SCTR: variants seen among roughly 807,000 people sequenced by gnomAD.
SCTR encodes the protein secretin receptor.
A neutral mutation model predicts 60.8 loss-of-function variants in SCTR; 56 were observed. The observed-to-expected ratio is 0.92, with a 90% CI of 0.74 to 1.15. SCTR has a LOEUF of 1.15. Ranked by LOEUF, SCTR falls within the 50% of genes most tolerant of loss-of-function variation. SCTR has a pLI of 0.00. For synonymous variants in SCTR, 202 were observed against 217.0 expected (o/e 0.93, Z 0.61); for missense variants, 562 against 550.4 (o/e 1.02, Z -0.21).
intron 9 of SCTR, among the ~76,000 whole-genome samples, chr2:119,450,778 T>C (rs1163955621): frequency 6.6e-6 from 1 of 152,136 alleles, no homozygotes; most frequent in Non-Finnish European, 1.5e-5. Flanking sequence ...AAGACCAGCC[T>C]GGGCAACACA....
At chr2:119,483,845 G>A (rs912020067) in intron 2 of SCTR, among the ~76,000 whole-genome samples, 2 of 151,994 alleles carry the variant, frequency 1.3e-5, no homozygotes, top group Admixed American at 1.3e-4. Flanking sequence ...GGGGGAGCTG[G>A]ACAGTCCCTG....
intron 4 of SCTR, among the ~76,000 whole-genome samples, chr2:119,473,224 C>T (rs1270147472): frequency 6.6e-6 from 1 of 152,166 alleles, no homozygotes; most frequent in Non-Finnish European, 1.5e-5. Context: ...CCTACCTGTG[C>T]CTGGGTTCCT....
At chr2:119,460,687 A>C (rs1683568322) in intron 7 of SCTR, among the ~76,000 whole-genome samples, 1 of 152,192 alleles carries the variant, frequency 6.6e-6, no homozygotes, top group African/African-American at 2.4e-5. Context: ...AGTGCCCCTA[A>C]AATGGAAGTT....
At chr2:119,478,276 C>T (rs1199937973) in intron 3 of SCTR, among the ~76,000 whole-genome samples, 1 of 152,150 alleles carries the variant, frequency 6.6e-6, no homozygotes, top group African/African-American at 2.4e-5. Flanking sequence ...AGTGCATGGT[C>T]GACTTCTAAT....
rs576482142 is a variant in SCTR at position 119,442,354 on chromosome 2, G to A, written c.1141-755C>T. 7.2e-5 allele frequency among the ~76,000 whole-genome samples: 11 copies of A among 152,306 alleles called. No individual in the cohort carries two copies. The South Asian group carries it at 1.2e-3, about 17-fold the overall frequency. On this transcript the variant is annotated intron_variant, in intron 11 of 12. Coordinates refer to ENST00000019103, the MANE Select transcript of SCTR (RefSeq NM_002980.3). The stretch of plus-strand genomic sequence containing the variant: ...CAGCAGGAAGCAGTGTCTCTGCGGC[G>A]CATTCACCCTGCTCCTCTCCTTTCT...
chr2:119,461,602 T>C lies in SCTR; in HGVS notation c.790+245A>G, dbSNP rs545086726. Among the ~76,000 whole-genome samples the C allele has an allele frequency of 3.3e-5, 5 of 151,662 alleles. No individual in the cohort carries two copies. In the South Asian group the frequency reaches 6.3e-4, roughly 19 times the overall value. On this transcript the variant is annotated intron_variant, in intron 7 of 12. Coordinates refer to ENST00000019103, the MANE Select transcript of SCTR (RefSeq NM_002980.3). ...GGCACATGCCTGTAATCCCAGCTAC[T>C]TGGGAAGCTGAGGTAGGAGAATCAC...
In SCTR at chr2:119,524,321, C is replaced by T. The variant is rs1679384892; in HGVS notation, c.-95G>A. 2 of 813,924 alleles carry T rather than the reference C, an allele frequency of 2.5e-6. No individual in the cohort carries two copies. The highest frequency in any genetic ancestry group is 3.4e-6 in the Non-Finnish European group (2 of 585,362). The allele number at this position is 813,924 out of a possible 1,614,324, so 50.4% of individuals were successfully genotyped here. On this transcript the variant is annotated 5_prime_UTR_variant, in exon 1 of 13. Transcript: ENST00000019103. ...AGCGCCCCGCGCAGGGTCCCGGGCT[C>T]CGGCCGGCCGCTGCGCCCCGAGGAG...
chr2:119,504,968 A>G (rs546276771), intron 1 of SCTR, among the ~76,000 whole-genome samples: 6 of 152,196 alleles, frequency 3.9e-5, no homozygotes, highest in Non-Finnish European at 7.3e-5. Flanking sequence ...TGCAAATCAA[A>G]ACCACAATGA....
intron 1 of SCTR, among the ~76,000 whole-genome samples, chr2:119,518,146 C>T (rs1304560012): frequency 1.3e-5 from 2 of 152,180 alleles, no homozygotes; most frequent in African/African-American, 4.8e-5. Context: ...CACTTCCAAC[C>T]TCCAGAACCG....
At position 119,457,480 on chromosome 2, in the gene SCTR, T is replaced by G. The variant is rs558951769; in HGVS notation, c.791-4133A>C. On this transcript the variant is annotated intron_variant, in intron 7 of 12. Transcript: ENST00000019103. ...TAATCCCAGCACTTTGGGAAGTTGA[T>G]GCAGGAGGATCGTTTGGGCCCAGGA... Among the ~76,000 whole-genome samples, 3 of 152,200 alleles carry G rather than the reference T, an allele frequency of 2.0e-5. No homozygotes were observed. In the East Asian group the frequency reaches 5.8e-4, roughly 29 times the overall value.
chr2:119,486,353 T>A (rs1272381536), intron 2 of SCTR: 1 of 150,554 alleles, frequency 6.6e-6, no homozygotes, highest in Non-Finnish European at 1.5e-5. Flanking sequence ...CCCATCTATG[T>A]CCAGGAGGCC....
intron 1 of SCTR, among the ~76,000 whole-genome samples, chr2:119,503,126 T>C (rs1248530286): frequency 6.4e-5 from 8 of 124,682 alleles, no homozygotes; most frequent in African/African-American, 2.6e-4. Flanking sequence ...GCCAGTGCAC[T>C]CCAGCCTGGG....
rs563515579 is a variant in SCTR, at chr2:119,467,311, G to C, written c.406-1425C>G. 2.6e-5 allele frequency among the ~76,000 whole-genome samples: 4 copies of C among 152,008 alleles called. No homozygotes were observed. The South Asian group carries it at 8.3e-4, about 32-fold the overall frequency. On this transcript the variant is annotated intron_variant, in intron 4 of 12. Coordinates refer to ENST00000019103, the MANE Select transcript of SCTR (RefSeq NM_002980.3). ...GGAGGCTCGCTTGAACCCGGGAGGT[G>C]GGGGTTGCAGTGAGCTGAGATTGCA...
At chr2:119,444,335 A>G (rs2104753067) in intron 11 of SCTR, among the ~76,000 whole-genome samples, 1 of 148,566 alleles carries the variant, frequency 6.7e-6, no homozygotes, top group Non-Finnish European at 1.5e-5. Context: ...GTATGAATAT[A>G]TATACACATA....
At chr2:119,462,045 G>T in intron 6 of SCTR, 45 bp from the exon 7 acceptor site, 1 of 1,565,604 alleles carries the variant, frequency 6.4e-7, no homozygotes, top group Non-Finnish European at 8.7e-7. Flanking sequence ...TGGCAGTGGG[G>T]TTCCCTCTGG....
chr2:119,515,176 G>T (rs1198898052), intron 1 of SCTR, among the ~76,000 whole-genome samples: 1 of 152,186 alleles, frequency 6.6e-6, no homozygotes, highest in African/African-American at 2.4e-5. Flanking sequence ...GAAGCTCATG[G>T]TCTCCAACAG....
intron 11 of SCTR, 21 bp downstream of exon 11, chr2:119,446,738 G>T (rs758768064): frequency 6.8e-7 from 1 of 1,478,162 alleles, no homozygotes; most frequent in Non-Finnish European, 9.0e-7. Flanking sequence ...TCAGCTGGCA[G>T]CCCCAGTCCT....
At chr2:119,522,595 C>T (rs535045651) in intron 1 of SCTR, among the ~76,000 whole-genome samples, 1 of 152,288 alleles carries the variant, frequency 6.6e-6, no homozygotes, top group East Asian at 1.9e-4. Context: ...CTCATTTTCC[C>T]CTTCCATTTA....
intron 1 of SCTR, among the ~76,000 whole-genome samples, chr2:119,522,557 C>T (rs939074198): frequency 6.6e-6 from 1 of 152,140 alleles, no homozygotes; most frequent in African/African-American, 2.4e-5. Flanking sequence ...TTCCAAGGTA[C>T]ACTGAAGACT....
Sources: gnomAD v4.1 joint callset for allele counts (sites outside exome capture counted in the v4.1 genomes callset) on GRCh38, gnomAD v4.1.1 for gene constraint, MANE v1.5 for transcripts, NCBI Gene and HGNC (gene_info 2026-07-23, HGNC 2026-07-21) for gene names.